CD46: variants seen among roughly 807,000 people sequenced by gnomAD.
The protein encoded by CD46 is CD46 molecule, also known as membrane cofactor protein.
Under a neutral mutation model 53.3 loss-of-function variants are expected in CD46, and 30 were observed. The ratio of observed to expected loss-of-function variants is 0.56; its 90% CI spans 0.42 to 0.76. CD46 has a LOEUF of 0.76. Ranked by LOEUF, CD46 falls within the 30% of genes least tolerant of loss-of-function variation. The pLI is 0.00. For synonymous variants in CD46, 142 were observed against 152.0 expected, an observed-to-expected ratio of 0.93 and a Z score of 0.48; for missense variants, 409 against 463.0, an observed-to-expected ratio of 0.88 and a Z score of 1.07.
intron 5 of CD46, among the ~76,000 whole-genome samples, chr1:207,764,023 GA>G (rs1408037809): frequency 1.3e-5 from 2 of 151,368 alleles, no homozygotes; most frequent in African/African-American, 4.9e-5. Context: ...GTAAATTATG[GA>G]GGGTTTTATT....
chr1:207,774,580 G>A (rs1657890310), intron 8 of CD46, among the ~76,000 whole-genome samples: 1 of 152,156 alleles, frequency 6.6e-6, no homozygotes, highest in African/African-American at 2.4e-5. Flanking sequence ...CAGGCCTGGT[G>A]GCGACAAAAT....
intron 12 of CD46, 99 bp downstream of exon 12, chr1:207,790,444 G>A (rs1214088467): frequency 1.5e-6 from 1 of 673,054 alleles, no homozygotes; most frequent in Admixed American, 2.4e-5. Context: ...GATATTGGCA[G>A]TAAATATCAA....
At position 207,788,436 on chromosome 1, in the gene CD46, G is replaced by A. The variant is rs1029824963; in HGVS notation, c.1083-1817G>A. Among the ~76,000 whole-genome samples the A allele has an allele frequency of 1.7e-4, 26 of 151,848 alleles. No individual in the cohort carries two copies. In the East Asian group the frequency reaches 2.3e-3, roughly 14 times the overall value. On this transcript the variant is annotated intron_variant, in intron 11 of 12. Coordinates refer to ENST00000367042, the MANE Select transcript of CD46 (RefSeq NM_172351.3). ...TGGGAGGCTGAGGCAGGAGAATGGC[G>A]TGAACCCCGGAGGCGGAGCTTGCAG...
chr1:207,762,181 T>C (rs1480926159), intron 5 of CD46, among the ~76,000 whole-genome samples: 2 of 152,108 alleles, frequency 1.3e-5, no homozygotes, highest in African/African-American at 2.4e-5. Context: ...ATAAAAGAAG[T>C]AGTCAGCAGG....
chr1:207,759,131 A>T (rs1442421503), intron 3 of CD46, among the ~76,000 whole-genome samples: 5 of 152,218 alleles, frequency 3.3e-5, no homozygotes, highest in Admixed American at 3.3e-4. Flanking sequence ...TATGTGCCAA[A>T]TGCTAACTTA....
intron 5 of CD46, among the ~76,000 whole-genome samples, chr1:207,766,475 C>T (rs1217956556): frequency 2.0e-5 from 3 of 151,926 alleles, no homozygotes; most frequent in African/African-American, 4.8e-5. Context: ...GTGAAACATA[C>T]ATGTAATTGG....
At chr1:207,761,773 A>T (rs1260659193) in intron 5 of CD46, among the ~76,000 whole-genome samples, 2 of 152,166 alleles carry the variant, frequency 1.3e-5, no homozygotes, top group Non-Finnish European at 2.9e-5. Flanking sequence ...ATTACAAGAA[A>T]TCTAAGAGTT....
At chr1:207,791,489 C>T (rs1275241356) in intron 12 of CD46, among the ~76,000 whole-genome samples, 1 of 152,180 alleles carries the variant, frequency 6.6e-6, no homozygotes, top group African/African-American at 2.4e-5. Flanking sequence ...GAGTAACAGG[C>T]ACATAGTGTC....
At chr1:207,778,357 G>A (rs1658344825) in intron 8 of CD46, among the ~76,000 whole-genome samples, 1 of 151,862 alleles carries the variant, frequency 6.6e-6, no homozygotes, top group Non-Finnish European at 1.5e-5. Context: ...TGAAATCTTT[G>A]TCTGTTATTA....
At chr1:207,765,628 A>G (rs1300560077) in intron 5 of CD46, among the ~76,000 whole-genome samples, 4 of 152,174 alleles carry the variant, frequency 2.6e-5, no homozygotes, top group Admixed American at 2.0e-4. Context: ...CTAAATACCT[A>G]TTGGAAAGGC....
chr1:207,771,762 G>A (rs571631121), intron 8 of CD46, among the ~76,000 whole-genome samples: 2 of 152,270 alleles, frequency 1.3e-5, no homozygotes, highest in Non-Finnish European at 1.5e-5. Context: ...CTATATATCT[G>A]TTTTGGTACC....
rs773607198 is a variant in CD46 at position 207,790,352 on chromosome 1, G to GT, written c.*41+11dup. Reference sequence around the variant, plus strand: ...TTGCTTTTATCATTAAAAGGTATCTGTTTTCTGTTGTTTATTTTCAGATGT... The same window carrying GT: ...TTGCTTTTATCATTAAAAGGTATCTGTTTTTCTGTTGTTTATTTTCAGATGT... On this transcript the variant is annotated splice_region_variant and intron_variant, in intron 12 of 12. Coordinates refer to ENST00000367042, the MANE Select transcript of CD46 (RefSeq NM_172351.3). The GT allele has an allele frequency of 1.5e-6, 2 of 1,352,696 alleles. No homozygotes were observed. The highest frequency in any genetic ancestry group is 2.9e-5 in the African/African-American group (2 of 69,846). 83.8% of individuals were successfully genotyped at this position (1,352,696 alleles called of 1,614,324 possible). A position where few individuals can be genotyped will look rare whatever the true frequency, so the allele number is the denominator to read the frequency against.
chr1:207,753,226 TG>T (rs1467328930), intron 1 of CD46, among the ~76,000 whole-genome samples: 2 of 152,176 alleles, frequency 1.3e-5, no homozygotes, highest in Non-Finnish European at 2.9e-5. Context: ...TAAAAAACAA[TG>T]GTAGCCAAAC....
chr1:207,793,209 G>A (rs1393803233), intron 12 of CD46, among the ~76,000 whole-genome samples: 2 of 152,132 alleles, frequency 1.3e-5, no homozygotes, highest in East Asian at 1.9e-4. Flanking sequence ...GAAAGCATGC[G>A]TTTGTCTCCA....
chr1:207,753,026 A>C (rs1655098822), intron 1 of CD46, among the ~76,000 whole-genome samples: 1 of 135,766 alleles, frequency 7.4e-6, no homozygotes, highest in South Asian at 2.3e-4. Flanking sequence ...TTCTGTGAAC[A>C]GTCTCCGTGT....
At position 207,778,657 on chromosome 1, in the gene CD46, G is replaced by A. The variant is rs1347695475; in HGVS notation, c.944-4635G>A. 3.3e-5 allele frequency among the ~76,000 whole-genome samples: 5 copies of A among 152,084 alleles called. No individual in the cohort carries two copies. In the South Asian group the frequency reaches 6.2e-4, roughly 19 times the overall value. On this transcript the variant is annotated intron_variant, in intron 8 of 12. Coordinates refer to ENST00000367042, the MANE Select transcript of CD46 (RefSeq NM_172351.3). ...TCCATTGGTGTATATGCCTGTTTTT[G>A]TACCAGTACCATGCTGTTTTGGTTA...
intron 8 of CD46, among the ~76,000 whole-genome samples, chr1:207,774,005 G>A (rs934428234): frequency 6.6e-6 from 1 of 152,144 alleles, no homozygotes; most frequent in African/African-American, 2.4e-5. Flanking sequence ...CATTATTATT[G>A]TGTGGGAGTC....
rs1380375328 is a variant in CD46, at chr1:207,785,069, A to G, written c.983-2A>G. On this transcript the variant is annotated splice_acceptor_variant, in intron 9 of 12. Transcript: ENST00000367042. LOFTEE classifies it high-confidence loss of function. ...ACATCTTGGAACTGTTTTCTTTCTCAGATGTTTGGGTCATTGCTGTGATTG... is the reference window on the plus strand; with the variant it reads ...ACATCTTGGAACTGTTTTCTTTCTCGGATGTTTGGGTCATTGCTGTGATTG... 1 of 1,612,448 alleles carries G rather than the reference A, an allele frequency of 6.2e-7. No individual in the cohort carries two copies. The highest frequency in any genetic ancestry group is 1.1e-5 in the South Asian group (1 of 90,958).
intron 8 of CD46, among the ~76,000 whole-genome samples, chr1:207,770,575 C>T (rs1406935827): frequency 6.6e-6 from 1 of 152,166 alleles, no homozygotes; most frequent in East Asian, 1.9e-4. Context: ...CTGACAGGCC[C>T]CAGTGTGTGA....
Sources: allele counts gnomAD v4.1 joint callset (sites outside exome capture counted in the v4.1 genomes callset), GRCh38; gene constraint gnomAD v4.1.1; transcripts MANE v1.5; gene names NCBI Gene and HGNC (gene_info 2026-07-23, HGNC 2026-07-21).